ALDH1L1: variants seen among roughly 807,000 people sequenced by gnomAD.
ALDH1L1 encodes cytosolic 10-formyltetrahydrofolate dehydrogenase.
ALDH1L1 carries 68 observed loss-of-function variants against 101.1 expected under a neutral mutation model. That is an observed-to-expected ratio of 0.67 (90% CI 0.55 to 0.82). The LOEUF (loss-of-function observed/expected upper bound fraction) is 0.82, where lower values mean the gene tolerates loss of function less well. ALDH1L1 is among the 40% of genes least tolerant of loss of function. The pLI, the probability that ALDH1L1 is intolerant of heterozygous loss-of-function variation, is 0.00. For synonymous variants in ALDH1L1, 486 were observed against 470.8 expected, an observed-to-expected ratio of 1.03 and a Z score of -0.42; for missense variants, 1,087 against 1,172.7, an observed-to-expected ratio of 0.93 and a Z score of 1.07.
chr3:126,112,722 C>T, intron 19 of ALDH1L1, 60 bp downstream of exon 19: 1 of 1,507,906 alleles, frequency 6.6e-7, no homozygotes, highest in Non-Finnish European at 9.0e-7. Context: ...CCAACCCCCT[C>T]CAGCCAGGCG....
At chr3:126,196,240 T>C (rs2081581345) in intron 1 of ALDH1L1, among the ~76,000 whole-genome samples, 1 of 152,128 alleles carries the variant, frequency 6.6e-6, no homozygotes. Context: ...TAATAAGCAG[T>C]CACAGCTGGA....
chr3:126,107,131 G>C lies in ALDH1L1; in HGVS notation c.2453+10C>G, dbSNP rs1425156969. On this transcript the variant is annotated intron_variant, in intron 21 of 22. Coordinates refer to ENST00000393434, the MANE Select transcript of ALDH1L1 (RefSeq NM_012190.4). Reference sequence around the variant, plus strand: ...GTCAGGGCCCTTGAGACATCAGCAGGATTCCCTACCCATCAGCAAACCGAG... The same window carrying C: ...GTCAGGGCCCTTGAGACATCAGCAGCATTCCCTACCCATCAGCAAACCGAG... 1 of 1,611,690 alleles carries C rather than the reference G, an allele frequency of 6.2e-7. No homozygotes were observed. The highest frequency in any genetic ancestry group is 8.5e-7 in the Non-Finnish European group (1 of 1,177,936).
intron 9 of ALDH1L1, among the ~76,000 whole-genome samples, chr3:126,146,225 T>C (rs2080674903): frequency 6.6e-6 from 1 of 152,194 alleles, no homozygotes. Flanking sequence ...GGACCTGTTC[T>C]GTGACTCATT....
At position 126,146,880 on chromosome 3, in the gene ALDH1L1, G is replaced by A. The variant is rs144099397; in HGVS notation, c.1031C>T (p.Ser344Phe). 999 of 1,613,908 alleles carry A rather than the reference G, an allele frequency of 6.2e-4. No homozygotes were observed. The highest frequency in any genetic ancestry group is 8.0e-4 in the Non-Finnish European group (947 of 1,179,936). ...ILPKVLEVED[S>F]TDFFKSGAAS... The stretch of plus-strand genomic sequence containing the variant: ...GGCCCCTGACTTGAAGAAATCAGTG[G>A]AGTCTTCAACCTCCAGGACTTTGGG... Residue 344 changes from serine (S) to phenylalanine (F), a missense_variant, in exon 9 of 23, where the codon TCC becomes TTC. This residue lies in a region of ALDH1L1 where 645 missense variants were observed against 637.0 expected (regional missense o/e 1.01). Coordinates refer to ENST00000393434, the MANE Select transcript of ALDH1L1 (RefSeq NM_012190.4).
intron 19 of ALDH1L1, among the ~76,000 whole-genome samples, chr3:126,111,195 G>A (rs552445619): frequency 1.2e-4 from 18 of 152,346 alleles, no homozygotes; most frequent in African/African-American, 3.6e-4. Context: ...CTCCCATCAC[G>A]TGGTAGAGTC....
At chr3:126,144,635 G>A (rs2080635920) in intron 9 of ALDH1L1, among the ~76,000 whole-genome samples, 1 of 152,220 alleles carries the variant, frequency 6.6e-6, no homozygotes, top group South Asian at 2.1e-4. Context: ...ATGTTGGAAA[G>A]ATTGGATGTC....
Position 126,112,828 on chromosome 3 carries a change from C to T in ALDH1L1, c.2135G>A (p.Arg712Gln), listed in dbSNP as rs553676435. 8.7e-6 allele frequency: 14 copies of T among 1,613,548 alleles called. No homozygotes were observed. The highest frequency in any genetic ancestry group is 6.7e-5 in the East Asian group (3 of 44,892). ...ATGAATGGAGTCCTCCACAAAGAGT[C>T]GGCCTGCTGCAATGCAATTCTCTCC... ...NKGENCIAAGRLFVEDSIHDE... is the reference protein window; with the variant it reads ...NKGENCIAAGQLFVEDSIHDE... Residue 712 changes from arginine to glutamine, a missense_variant, in exon 19 of 23, where the codon CGA becomes CAA. Physicochemically the swap from Arg to Gln is conservative, Grantham distance 43 (BLOSUM62 1). Around this residue, in one of 2 missense-constraint regions of ALDH1L1, gnomAD observed 442 missense variants for 535.7 expected, o/e 0.83. Coordinates refer to ENST00000393434, the MANE Select transcript of ALDH1L1 (RefSeq NM_012190.4).
At chr3:126,184,219 A>G (rs1366775943), upstream of ALDH1L1, among the ~76,000 whole-genome samples, 1 of 151,944 alleles carries the variant, frequency 6.6e-6, no homozygotes, top group Non-Finnish European at 1.5e-5. Flanking sequence ...TCCCACTGAA[A>G]CCCTCTTTTG....
Position 126,136,785 on chromosome 3 carries a change from G to A in ALDH1L1, c.1323C>T (p.Thr441=). Residue 441 remains threonine, a synonymous_variant, in exon 11 of 23, where the codon ACC becomes ACT. Transcript: ENST00000393434. The stretch of plus-strand genomic sequence containing the variant: ...TCACACTTCCATCGGTGGGATTGAT[G>A]GTCTCAGAGGTCTTGGCGCCCTCGG... ...VDAEGAKTSE[T]INPTDGSVIC... The A allele has an allele frequency of 6.3e-7, 1 of 1,581,214 alleles. No individual in the cohort carries two copies. Among genetic ancestry groups the A allele is most frequent in the Non-Finnish European group, 8.6e-7 (1 of 1,162,844 alleles).
At chr3:126,190,132 C>A (rs13069815) in intron 1 of ALDH1L1, among the ~76,000 whole-genome samples, 20,456 of 152,220 alleles carry the variant, frequency 0.13, 1,745 homozygotes, top group African/African-American at 0.22. Flanking sequence ...AGCTTTCTTA[C>A]ATGGGAAAGC....
Position 126,125,646 on chromosome 3 carries a change from G to C in ALDH1L1, c.1770C>G (p.Ala590=). The C allele has an allele frequency of 6.3e-7, 1 of 1,597,142 alleles. No individual in the cohort carries two copies. Among genetic ancestry groups the C allele is most frequent in the East Asian group, 2.3e-5 (1 of 43,566 alleles). The part of the protein sequence containing the change: ...LSWKTAACLA[A]GNTVVIKPAQ... ...CAGGCTTGATCACCACTGTGTTCCC[G>C]GCAGCCAGGCAGGCAGCTGTCTTCC... The change falls in exon 15 of 23, where the codon GCC becomes GCG. Residue 590 remains alanine, a synonymous_variant. Transcript: ENST00000393434.
At chr3:126,192,759 G>A (rs1340761155) in intron 1 of ALDH1L1, among the ~76,000 whole-genome samples, 1 of 152,194 alleles carries the variant, frequency 6.6e-6, no homozygotes, top group Non-Finnish European at 1.5e-5. Flanking sequence ...TCCACTTTCA[G>A]GGATTTGTCA....
In ALDH1L1 at chr3:126,131,369, G is replaced by A; in HGVS notation, c.1623+15C>T. ...GTCTGCATGTGCTCACACTGGGTGG[G>A]AGCCTGGGCCCCACCTGGATCTTGT... On this transcript the variant is annotated intron_variant, in intron 13 of 22. Transcript: ENST00000393434. 2 of 1,586,994 alleles carry A rather than the reference G, an allele frequency of 1.3e-6. No individual in the cohort carries two copies. Among genetic ancestry groups the A allele is most frequent in the African/African-American group, 1.3e-5 (1 of 74,684 alleles).
chr3:126,191,504 G>T (rs1287037622), intron 1 of ALDH1L1, among the ~76,000 whole-genome samples: 2 of 152,206 alleles, frequency 1.3e-5, no homozygotes, highest in Non-Finnish European at 2.9e-5. Context: ...GGTAAGGCCG[G>T]TTTCTGCCAG....
chr3:126,149,878 G>A (rs553724761), intron 8 of ALDH1L1, among the ~76,000 whole-genome samples: 1 of 152,364 alleles, frequency 6.6e-6, no homozygotes, highest in African/African-American at 2.4e-5. Flanking sequence ...GAGGGAGCAT[G>A]AAGGGTCAGG....
At chr3:126,191,014 C>T (rs529862058) in intron 1 of ALDH1L1, among the ~76,000 whole-genome samples, 3 of 152,192 alleles carry the variant, frequency 2.0e-5, no homozygotes, top group Non-Finnish European at 2.9e-5. Flanking sequence ...CTGACATTTT[C>T]CTTCTGAGTT....
At chr3:126,195,645 A>G (rs563774888) in intron 1 of ALDH1L1, among the ~76,000 whole-genome samples, 2 of 152,372 alleles carry the variant, frequency 1.3e-5, no homozygotes, top group East Asian at 1.9e-4. Context: ...TCATGCTGCT[A>G]TAAAGGCACA....
Position 126,103,840 on chromosome 3 carries a change from G to T in ALDH1L1, c.2660C>A (p.Ala887Glu), listed in dbSNP as rs748153094. Residue 887 changes from alanine (A) to glutamate (E), a missense_variant, in exon 23 of 23, where the codon GCG becomes GAG. Ala to Glu is a moderately radical substitution (Grantham distance 107). This residue lies in a region of ALDH1L1 where 442 missense variants were observed against 535.7 expected (regional missense o/e 0.83). Coordinates refer to ENST00000393434, the MANE Select transcript of ALDH1L1 (RefSeq NM_012190.4). ...QSGFGKDLGE[A>E]ALNEYLRVKT... Reference sequence around the variant, plus strand: ...GACCCGCAGGTACTCGTTCAGAGCCGCCTCTCCTGTAAGACACCACAAAGG... The same window carrying T: ...GACCCGCAGGTACTCGTTCAGAGCCTCCTCTCCTGTAAGACACCACAAAGG... 4 of 1,613,152 alleles carry T rather than the reference G, an allele frequency of 2.5e-6. No individual in the cohort carries two copies. The highest frequency in any genetic ancestry group is 2.7e-5 in the African/African-American group (2 of 74,896).
intron 1 of ALDH1L1, among the ~76,000 whole-genome samples, chr3:126,178,889 T>C (rs1223207586): frequency 6.6e-6 from 1 of 152,102 alleles, no homozygotes; most frequent in Non-Finnish European, 1.5e-5. Flanking sequence ...TGTAATTATT[T>C]TGTTTTCTTA....
Sources: allele counts gnomAD v4.1 joint callset (sites outside exome capture counted in the v4.1 genomes callset), GRCh38; gene constraint gnomAD v4.1.1; regional missense constraint gnomAD v4.1.1; transcripts MANE v1.5; gene names NCBI Gene and HGNC (gene_info 2026-07-23, HGNC 2026-07-21).